The following MGMT variants were observed in gnomAD, a reference collection of about 807,000 sequenced individuals.
MGMT encodes O-6-methylguanine-DNA methyltransferase, also known as methylated-DNA--protein-cysteine methyltransferase.
In MGMT, 14 loss-of-function variants were observed where a neutral mutation model predicts 15.9. The observed-to-expected ratio is 0.88, with a 90% CI of 0.58 to 1.37. The LOEUF (loss-of-function observed/expected upper bound fraction) is 1.37. Ranked by LOEUF, MGMT falls within the 40% of genes most tolerant of loss-of-function variation. MGMT has a pLI of 0.00. For missense variants in MGMT, 282 were observed against 268.1 expected (o/e 1.05, Z -0.36); for synonymous variants, 130 against 118.2 (o/e 1.10, Z -0.65).
intron 2 of MGMT, among the ~76,000 whole-genome samples, chr10:129,589,088 G>A (rs1846651385): frequency 6.6e-6 from 1 of 152,212 alleles, no homozygotes; most frequent in African/African-American, 2.4e-5. Context: ...TGTCACTTTT[G>A]CTACCCCCTA....
chr10:129,674,513 C>T (rs1327784380), intron 2 of MGMT, among the ~76,000 whole-genome samples: 3 of 152,228 alleles, frequency 2.0e-5, no homozygotes, highest in Admixed American at 2.0e-4. Context: ...CACATGGACC[C>T]CCTTGCTTAT....
intron 2 of MGMT, among the ~76,000 whole-genome samples, chr10:129,646,310 G>A (rs75304389): frequency 2.6e-5 from 4 of 152,064 alleles, no homozygotes; most frequent in East Asian, 3.9e-4. Context: ...GGGGATTTAC[G>A]TTGGCCTATG....
rs186652862 is a variant in MGMT at position 129,507,201 on chromosome 10, T to C, written c.-12-29040T>C. ...TCTGTGAGCCGTCAGGCAGGTGACG[T>C]TGGAGCCAGCCTCTCCAGGGTGGTG... On this transcript the variant is annotated intron_variant, in intron 1 of 4. Transcript: ENST00000651593. Among the ~76,000 whole-genome samples, 57 of 152,318 alleles carry C rather than the reference T, an allele frequency of 3.7e-4. 1 individual carries two copies. In the East Asian group the frequency reaches 0.011, roughly 29 times the overall value.
intron 2 of MGMT, among the ~76,000 whole-genome samples, chr10:129,576,285 A>G (rs1030178522): frequency 6.6e-6 from 1 of 152,230 alleles, no homozygotes; most frequent in African/African-American, 2.4e-5. Flanking sequence ...AAAAATCCTC[A>G]ATAAAATACT....
At chr10:129,493,548 A>G (rs1416170915) in intron 1 of MGMT, among the ~76,000 whole-genome samples, 1 of 152,352 alleles carries the variant, frequency 6.6e-6, no homozygotes, top group African/African-American at 2.4e-5. Flanking sequence ...CTACCAGAAG[A>G]TAAATATAGA....
intron 3 of MGMT, among the ~76,000 whole-genome samples, chr10:129,739,417 C>G (rs1319496159): frequency 6.6e-6 from 1 of 152,176 alleles, no homozygotes; most frequent in Non-Finnish European, 1.5e-5. Context: ...TGTCTCAGCC[C>G]AAAATCTCCT....
intron 2 of MGMT, among the ~76,000 whole-genome samples, chr10:129,568,085 T>C (rs1376958802): frequency 1.3e-5 from 2 of 152,214 alleles, no homozygotes; most frequent in East Asian, 3.9e-4. Context: ...AAACCAACCA[T>C]TAAAAAGTAT....
chr10:129,579,014 C>T (rs1846520909), intron 2 of MGMT, among the ~76,000 whole-genome samples: 1 of 152,140 alleles, frequency 6.6e-6, no homozygotes, highest in African/African-American at 2.4e-5. Flanking sequence ...GTACTGTGTA[C>T]ATTAGATACG....
intron 2 of MGMT, among the ~76,000 whole-genome samples, chr10:129,579,670 T>C (rs1316059444): frequency 6.6e-6 from 1 of 152,240 alleles, no homozygotes; most frequent in African/African-American, 2.4e-5. Context: ...TTTGAGTTTC[T>C]TCTTCTGGAG....
chr10:129,499,347 A>G (rs1180309969), intron 1 of MGMT, among the ~76,000 whole-genome samples: 1 of 152,224 alleles, frequency 6.6e-6, no homozygotes, highest in African/African-American at 2.4e-5. Context: ...CTCAGCTTTC[A>G]CCTTGACTCT....
intron 2 of MGMT, among the ~76,000 whole-genome samples, chr10:129,695,840 A>C (rs1410423820): frequency 2.0e-5 from 3 of 152,174 alleles, no homozygotes; most frequent in Non-Finnish European, 4.4e-5. Flanking sequence ...CACAGCCTGC[A>C]GGCCTTATCA....
rs113635240 is a variant in MGMT at position 129,705,299 on chromosome 10, T to C, written c.126-2596T>C. On this transcript the variant is annotated intron_variant, in intron 2 of 4. Transcript: ENST00000651593. ...TAAAATGTGAGTATCCCAGATGGAA[T>C]GCAAAAGAGGTTCGTGCTGCTGAGG... 5.4e-4 allele frequency among the ~76,000 whole-genome samples: 82 copies of C among 152,348 alleles called. 3 individuals are homozygous for C. Among genetic ancestry groups the C allele is most frequent in the African/African-American group, 1.9e-3 (78 of 41,582 alleles).
intron 2 of MGMT, among the ~76,000 whole-genome samples, chr10:129,552,148 T>TGGGGCCGCAGACAGGAGGG (rs1846164195): frequency 2.6e-5 from 4 of 152,148 alleles, no homozygotes; most frequent in Non-Finnish European, 4.4e-5. Flanking sequence ...GGAAGGCCAG[T>TGGGGCCGCAGACAGGAGGG]GGGGCCGCAG....
intron 2 of MGMT, among the ~76,000 whole-genome samples, chr10:129,702,634 G>A (rs1441991420): frequency 6.6e-6 from 1 of 152,220 alleles, no homozygotes; most frequent in Non-Finnish European, 1.5e-5. Context: ...TGAGGTACCA[G>A]GTGAGGGTCT....
intron 3 of MGMT, among the ~76,000 whole-genome samples, chr10:129,754,692 G>T (rs1848785824): frequency 6.6e-6 from 1 of 152,246 alleles, no homozygotes; most frequent in African/African-American, 2.4e-5. Flanking sequence ...CATCTGCTGA[G>T]GGCCACCCCG....
chr10:129,639,194 G>T (rs1847299130), intron 2 of MGMT, among the ~76,000 whole-genome samples: 1 of 151,896 alleles, frequency 6.6e-6, no homozygotes, highest in Non-Finnish European at 1.5e-5. Flanking sequence ...TTGTTTAAGA[G>T]AAAAAAATAG....
intron 3 of MGMT, among the ~76,000 whole-genome samples, chr10:129,726,050 C>A (rs1367837650): frequency 6.6e-6 from 1 of 152,092 alleles, no homozygotes; most frequent in Non-Finnish European, 1.5e-5. Flanking sequence ...CTGGCCATGG[C>A]TCAGGTCCAC....
intron 2 of MGMT, among the ~76,000 whole-genome samples, chr10:129,647,911 A>G (rs930621546): frequency 6.6e-6 from 1 of 152,256 alleles, no homozygotes; most frequent in African/African-American, 2.4e-5. Flanking sequence ...GTGAAGGAAC[A>G]TAAATGTGCT....
intron 2 of MGMT, among the ~76,000 whole-genome samples, chr10:129,695,017 T>A (rs934479075): frequency 3.9e-5 from 6 of 152,262 alleles, no homozygotes; most frequent in African/African-American, 1.4e-4. Flanking sequence ...GTTTTATTAC[T>A]CTATATCCTT....
Sources: gnomAD v4.1 joint callset for allele counts (sites outside exome capture counted in the v4.1 genomes callset) on GRCh38, gnomAD v4.1.1 for gene constraint, MANE v1.5 for transcripts, NCBI Gene and HGNC (gene_info 2026-07-23, HGNC 2026-07-21) for gene names.